Variants in ATL1 observed in about 807,000 individuals in gnomAD.
The protein encoded by ATL1 is atlastin-1.
A neutral mutation model predicts 75.5 loss-of-function variants in ATL1; 31 were observed. The observed-to-expected ratio is 0.41, with a 90% confidence interval of 0.31 to 0.55. The LOEUF (loss-of-function observed/expected upper bound fraction) is 0.55. Ranked by LOEUF, ATL1 falls within the 20% of genes least tolerant of loss-of-function variation. ATL1 has a pLI of 0.27. For synonymous variants in ATL1, 226 were observed against 233.3 expected (o/e 0.97, Z 0.28); for missense variants, 405 against 662.6 (o/e 0.61, Z 4.27).
At chr14:50,569,199 A>G (rs1198270172) in intron 1 of ATL1, among the ~76,000 whole-genome samples, 1 of 152,042 alleles carries the variant, frequency 6.6e-6, no homozygotes, top group African/African-American at 2.4e-5. Flanking sequence ...CACAAAAAAA[A>G]AAATGCAAAA....
chr14:50,534,947 T>C (rs1381890141), intron 1 of ATL1, among the ~76,000 whole-genome samples: 1 of 152,234 alleles, frequency 6.6e-6, no homozygotes, highest in African/African-American at 2.4e-5. Flanking sequence ...GGTTGAAGTT[T>C]ATGTAATAAT....
At chr14:50,544,936 CAAAAAAAAAAA>C (rs35420627) in intron 1 of ATL1, among the ~76,000 whole-genome samples, 2 of 58,448 alleles carry the variant, frequency 3.4e-5, no homozygotes, top group Non-Finnish European at 3.2e-5. Flanking sequence ...GACCCACTCT[CAAAAAAAAAAA>C]AAAAAAAAAA....
intron 1 of ATL1, chr14:50,561,257 C>A (rs1378104034): frequency 6.6e-6 from 1 of 152,198 alleles, no homozygotes; most frequent in Non-Finnish European, 1.5e-5. Context: ...GTCTTTTTGT[C>A]GTAGGTTCCC....
chr14:50,599,414 T>C (rs1162314166), intron 6 of ATL1, among the ~76,000 whole-genome samples: 1 of 152,146 alleles, frequency 6.6e-6, no homozygotes, highest in Non-Finnish European at 1.5e-5. Flanking sequence ...ATGGAGATAA[T>C]ACCAATGAAA....
intron 9 of ATL1, 107 bp from the exon 10 acceptor site, chr14:50,621,736 C>A: frequency 1.4e-6 from 1 of 737,922 alleles, no homozygotes; most frequent in South Asian, 1.6e-5. Flanking sequence ...GTTATAAGTT[C>A]CTGAAAATAT....
rs568120593 is a variant in ATL1, at chr14:50,547,438, A to G, written c.-139-12689A>G. Among the ~76,000 whole-genome samples, 10 of 152,332 alleles carry G rather than the reference A, an allele frequency of 6.6e-5. No homozygotes were observed. In the South Asian group the frequency reaches 2.1e-3, roughly 32 times the overall value. ...GTGGACCTCTGTGAGCTGAATAAAA[A>G]CAAGGACGGAGTCTGAAAATAAATC... On this transcript the variant is annotated intron_variant, in intron 1 of 13. Coordinates refer to the ATL1 transcript ENST00000441560.
intron 2 of ATL1, 146 bp downstream of exon 2, chr14:50,588,224 C>A: frequency 9.4e-7 from 1 of 1,068,238 alleles, no homozygotes; most frequent in Non-Finnish European, 1.4e-6. Context: ...TGTAACCATT[C>A]CAACCTCAGT....
At chr14:50,582,415 T>G (rs2039064681) in intron 1 of ATL1, among the ~76,000 whole-genome samples, 1 of 151,676 alleles carries the variant, frequency 6.6e-6, no homozygotes, top group African/African-American at 2.4e-5. Context: ...TTTCTCTTTT[T>G]TTTTTTTTCC....
chr14:50,566,294 G>A (rs2038903425), intron 1 of ATL1, among the ~76,000 whole-genome samples: 2 of 152,030 alleles, frequency 1.3e-5, no homozygotes, highest in Non-Finnish European at 2.9e-5. Flanking sequence ...CACTGCACCC[G>A]GCCAGGACAA....
At chr14:50,595,762 C>T in intron 6 of ATL1, 130 bp downstream of exon 6, 1 of 782,654 alleles carries the variant, frequency 1.3e-6, no homozygotes, top group Non-Finnish European at 2.1e-6. Flanking sequence ...CTATTTTATG[C>T]TATTTGATGC....
intron 1 of ATL1, among the ~76,000 whole-genome samples, chr14:50,573,219 C>G (rs115296137): frequency 3.3e-5 from 5 of 151,936 alleles, no homozygotes; most frequent in South Asian, 2.1e-4. Context: ...TTTTTTTTAC[C>G]CATGAATATA....
intron 2 of ATL1, among the ~76,000 whole-genome samples, chr14:50,590,121 C>T (rs2039141991): frequency 6.6e-6 from 1 of 152,194 alleles, no homozygotes; most frequent in Admixed American, 6.5e-5. Flanking sequence ...TGCATCAGTA[C>T]TTGTCTATTC....
intron 1 of ATL1, among the ~76,000 whole-genome samples, chr14:50,572,725 A>C (rs1004244021): frequency 2.0e-5 from 3 of 152,136 alleles, no homozygotes; most frequent in Non-Finnish European, 4.4e-5. Context: ...ATTTAAGGCT[A>C]TAAGTTTTTT....
chr14:50,534,554 G>A (rs1488867563), intron 1 of ATL1, among the ~76,000 whole-genome samples: 8 of 152,358 alleles, frequency 5.3e-5, no homozygotes, highest in Non-Finnish European at 1.5e-5. Context: ...GCAGTGAAAT[G>A]TTTGAGGTCA....
intron 6 of ATL1, among the ~76,000 whole-genome samples, chr14:50,611,307 A>G (rs912294566): frequency 2.6e-5 from 4 of 151,878 alleles, no homozygotes; most frequent in Non-Finnish European, 1.5e-5. Context: ...GAAGTCCACC[A>G]ACTTCTAGTG....
chr14:50,602,414 T>C (rs1435816862), intron 6 of ATL1, among the ~76,000 whole-genome samples: 1 of 152,208 alleles, frequency 6.6e-6, no homozygotes, highest in Non-Finnish European at 1.5e-5. Context: ...TACCTTTAAA[T>C]GTACCCTTTG....
At chr14:50,604,063 A>C (rs1251197846) in intron 6 of ATL1, among the ~76,000 whole-genome samples, 2 of 151,402 alleles carry the variant, frequency 1.3e-5, no homozygotes, top group Non-Finnish European at 2.9e-5. Flanking sequence ...TTTTTCTTAC[A>C]TTATTCGAAT....
At chr14:50,597,227 A>AG (rs1293280301) in intron 6 of ATL1, among the ~76,000 whole-genome samples, 1 of 150,386 alleles carries the variant, frequency 6.6e-6, no homozygotes, top group Non-Finnish European at 1.5e-5. Flanking sequence ...AAACAAAAAA[A>AG]AAAAAAGAAA....
chr14:50,622,181 A>G (rs2039473156), intron 10 of ATL1, among the ~76,000 whole-genome samples: 1 of 152,198 alleles, frequency 6.6e-6, no homozygotes, highest in Non-Finnish European at 1.5e-5. Context: ...TCACACATGT[A>G]ACACACAGTA....
Sources: gnomAD v4.1 joint callset for allele counts (sites outside exome capture counted in the v4.1 genomes callset) on GRCh38, gnomAD v4.1.1 for gene constraint, MANE v1.5 for transcripts, NCBI Gene and HGNC (gene_info 2026-07-23, HGNC 2026-07-21) for gene names.